Variants in ZNF385D observed in about 807,000 individuals in gnomAD.
ZNF385D encodes the protein zinc finger protein 385D.
In ZNF385D, 15 loss-of-function variants were observed where a neutral mutation model predicts 35.8. That is an observed-to-expected ratio of 0.42 (90% CI 0.28 to 0.64). ZNF385D has a LOEUF of 0.64. Among genes scored for constraint, ZNF385D ranks in the 30% least tolerant of loss-of-function variants. ZNF385D has a pLI of 0.23. For missense variants in ZNF385D, 474 were observed against 494.6 expected (o/e 0.96, Z 0.39); for synonymous variants, 212 against 186.8 (o/e 1.13, Z -1.10).
chr3:21,983,624 T>C (rs1694637312), intron 3 of ZNF385D, among the ~76,000 whole-genome samples: 1 of 134,044 alleles, frequency 7.5e-6, no homozygotes, highest in South Asian at 2.7e-4. Flanking sequence ...GCAATAAACA[T>C]ACGTGTGCAT....
chr3:21,534,023 T>C (rs938977488), intron 3 of ZNF385D, among the ~76,000 whole-genome samples: 1 of 152,124 alleles, frequency 6.6e-6, no homozygotes, highest in African/African-American at 2.4e-5. Context: ...GAATACTTAC[T>C]GTGAATCTGC....
intron 3 of ZNF385D, among the ~76,000 whole-genome samples, chr3:21,959,361 T>G (rs1702458832): frequency 1.3e-5 from 2 of 152,178 alleles, no homozygotes; most frequent in Non-Finnish European, 1.5e-5. Flanking sequence ...TCAGGATATT[T>G]TTTTTTCATT....
intron 4 of ZNF385D, among the ~76,000 whole-genome samples, chr3:21,509,065 G>A (rs1304556556): frequency 2.7e-5 from 4 of 150,594 alleles, no homozygotes; most frequent in Admixed American, 1.3e-4. Context: ...GCAAGCTCCG[G>A]GGGGCTTTTC....
intron 3 of ZNF385D, among the ~76,000 whole-genome samples, chr3:21,515,300 A>G (rs1198570676): frequency 6.6e-6 from 1 of 152,166 alleles, no homozygotes; most frequent in Non-Finnish European, 1.5e-5. Flanking sequence ...CATTAGCACC[A>G]ATACCTTGTA....
At chr3:22,036,189 G>C (rs1024613319) in intron 3 of ZNF385D, among the ~76,000 whole-genome samples, 31 of 152,252 alleles carry the variant, frequency 2.0e-4, no homozygotes, top group African/African-American at 7.2e-4. Flanking sequence ...CAGGTGAAAG[G>C]GAAAGGATTC....
intron 2 of ZNF385D, among the ~76,000 whole-genome samples, chr3:21,634,436 T>C (rs1161028704): frequency 6.6e-6 from 1 of 151,932 alleles, no homozygotes; most frequent in East Asian, 1.9e-4. Context: ...TTTTTCATAA[T>C]AAAAATAAGC....
At chr3:22,352,330 C>G (rs544010686) in intron 2 of ZNF385D, among the ~76,000 whole-genome samples, 1 of 152,290 alleles carries the variant, frequency 6.6e-6, no homozygotes, top group South Asian at 2.1e-4. Context: ...GGTGAGTTCA[C>G]CAAGGCATTG....
intron 2 of ZNF385D, among the ~76,000 whole-genome samples, chr3:22,287,432 C>T: frequency 6.6e-6 from 1 of 151,858 alleles, no homozygotes; most frequent in East Asian, 1.9e-4. Context: ...TTTGACATAT[C>T]TTTGGTTCCT....
At chr3:21,615,101 C>G (rs2064806611) in intron 2 of ZNF385D, among the ~76,000 whole-genome samples, 1 of 152,122 alleles carries the variant, frequency 6.6e-6, no homozygotes, top group Non-Finnish European at 1.5e-5. Context: ...AAATATGATC[C>G]CCATTGTTGA....
chr3:21,636,158 A>C (rs2065425594), intron 2 of ZNF385D, among the ~76,000 whole-genome samples: 1 of 151,654 alleles, frequency 6.6e-6, no homozygotes, highest in Non-Finnish European at 1.5e-5. Flanking sequence ...TGGTTGTATT[A>C]GTTTACATTC....
chr3:21,984,993 C>T (rs1218126047), intron 3 of ZNF385D, among the ~76,000 whole-genome samples: 15 of 144,176 alleles, frequency 1.0e-4, no homozygotes, highest in South Asian at 2.4e-4. Context: ...ATAAGAATGC[C>T]TGTGATTTTT....
intron 2 of ZNF385D, among the ~76,000 whole-genome samples, chr3:22,194,527 T>C (rs1214903066): frequency 6.6e-6 from 1 of 151,944 alleles, no homozygotes; most frequent in Non-Finnish European, 1.5e-5. Flanking sequence ...TAGTTTTCAG[T>C]TTGCAGTAAA....
intron 3 of ZNF385D, among the ~76,000 whole-genome samples, chr3:21,992,917 GC>G (rs991660771): frequency 1.3e-5 from 2 of 152,126 alleles, no homozygotes; most frequent in African/African-American, 4.8e-5. Flanking sequence ...AAGTCACCAG[GC>G]TAATGGATTT....
chr3:21,446,278 C>T (rs1391344967), intron 4 of ZNF385D, among the ~76,000 whole-genome samples: 1 of 152,068 alleles, frequency 6.6e-6, no homozygotes, highest in Non-Finnish European at 1.5e-5. Context: ...AACAGCAAGT[C>T]ATGAATGCAA....
intron 3 of ZNF385D, among the ~76,000 whole-genome samples, chr3:21,894,235 A>G (rs187083424): frequency 1.3e-5 from 2 of 152,344 alleles, no homozygotes; most frequent in Admixed American, 1.3e-4. Context: ...AAAGTTAAAC[A>G]AATTGAGACC....
intron 3 of ZNF385D, among the ~76,000 whole-genome samples, chr3:22,153,158 G>C (rs1369486868): frequency 6.6e-6 from 1 of 152,100 alleles, no homozygotes; most frequent in African/African-American, 2.4e-5. Flanking sequence ...TGTGACTGGT[G>C]AACTCATATT....
chr3:22,135,750 T>C (rs547427037), intron 3 of ZNF385D, among the ~76,000 whole-genome samples: 15 of 152,310 alleles, frequency 9.8e-5, no homozygotes, highest in African/African-American at 3.4e-4. Context: ...ACTACAGTAA[T>C]TGGCCATTGT....
chr3:21,545,227 G>A (rs369257284), intron 3 of ZNF385D, among the ~76,000 whole-genome samples: 1 of 152,142 alleles, frequency 6.6e-6, no homozygotes, highest in Non-Finnish European at 1.5e-5. Flanking sequence ...GGTTTAAAAT[G>A]AGCTATAGAA....
rs143028990 is a variant in ZNF385D at position 21,820,940 on chromosome 3, C to A, written c.326-155912G>T. Among the ~76,000 whole-genome samples the A allele has an allele frequency of 3.7e-3, 561 of 151,272 alleles. 7 individuals are homozygous for A. Among genetic ancestry groups the A allele is most frequent in the African/African-American group, 0.013 (546 of 41,304 alleles). ...GAAAACAAAAAGAAATTTGAAACTT[C>A]ATTTAAAAATTCTAGAAAAATATTA... On this transcript the variant is annotated intron_variant, in intron 3 of 5. Transcript: ENST00000494108.
Sources: allele counts gnomAD v4.1 joint callset (sites outside exome capture counted in the v4.1 genomes callset), GRCh38; gene constraint gnomAD v4.1.1; transcripts MANE v1.5; gene names NCBI Gene and HGNC (gene_info 2026-07-23, HGNC 2026-07-21).